Variants in CFAP61 observed in about 807,000 individuals in gnomAD.
CFAP61 encodes the protein cilia and flagella associated protein 61, also known as cilia- and flagella-associated protein 61.
In CFAP61, 107 loss-of-function variants were observed where a neutral mutation model predicts 135.6. That is an observed-to-expected ratio of 0.79 (90% CI 0.67 to 0.93). The LOEUF (loss-of-function observed/expected upper bound fraction) is 0.93. Among genes scored for constraint, CFAP61 ranks in the 40% least tolerant of loss-of-function variants. The pLI, the probability that CFAP61 is intolerant of heterozygous loss-of-function variation, is 0.00. For missense variants in CFAP61, 1,507 were observed against 1,556.2 expected (o/e 0.97, Z 0.53); for synonymous variants, 575 against 578.5 (o/e 0.99, Z 0.09).
chr20:20,275,322 G>A (rs1446581985), intron 21 of CFAP61, among the ~76,000 whole-genome samples: 1 of 152,176 alleles, frequency 6.6e-6, no homozygotes, highest in Non-Finnish European at 1.5e-5. Context: ...TTGCTATGCA[G>A]CATTATTATG....
Position 20,285,007 on chromosome 20 carries a change from A to G in CFAP61, c.2797-3602A>G, listed in dbSNP as rs542242296. On this transcript the variant is annotated intron_variant, in intron 22 of 26. Transcript: ENST00000245957. ...AAAAGTAATTCTTTAGTTTTGCTCCATCTGAAAATATATGTTGCTTTCATT... is the reference window on the plus strand; with the variant it reads ...AAAAGTAATTCTTTAGTTTTGCTCCGTCTGAAAATATATGTTGCTTTCATT... Among the ~76,000 whole-genome samples the G allele has an allele frequency of 3.3e-5, 5 of 152,354 alleles. No homozygotes were observed. The South Asian group carries it at 6.2e-4, about 19-fold the overall frequency.
At chr20:20,320,811 G>A (rs1275433226) in intron 25 of CFAP61, among the ~76,000 whole-genome samples, 1 of 151,458 alleles carries the variant, frequency 6.6e-6, no homozygotes, top group African/African-American at 2.4e-5. Flanking sequence ...GAGTAAGGAA[G>A]GGGCTGTGGC....
intron 25 of CFAP61, among the ~76,000 whole-genome samples, chr20:20,310,380 G>A (rs77005077): frequency 0.027 from 4,124 of 152,186 alleles, 187 homozygotes; most frequent in African/African-American, 0.095. Context: ...AGCATTTAAC[G>A]GATTGTTCAA....
intron 2 of CFAP61, among the ~76,000 whole-genome samples, chr20:20,057,120 T>TTA (rs1434990954): frequency 3.9e-5 from 4 of 102,122 alleles, no homozygotes; most frequent in African/African-American, 1.5e-4. Context: ...CTGTCTCAAT[T>TTA]AAAAAAAAAA....
chr20:20,180,735 G>A (rs1601222196), intron 13 of CFAP61, among the ~76,000 whole-genome samples: 6 of 152,108 alleles, frequency 3.9e-5, no homozygotes, highest in Admixed American at 2.0e-4. Context: ...ATTCACAATA[G>A]CAAAGACATG....
At chr20:20,311,603 T>C (rs946471924) in intron 25 of CFAP61, among the ~76,000 whole-genome samples, 2 of 151,566 alleles carry the variant, frequency 1.3e-5, no homozygotes, top group Non-Finnish European at 2.9e-5. Flanking sequence ...CAGGTGGAGT[T>C]GTCAGGACAG....
intron 9 of CFAP61, among the ~76,000 whole-genome samples, chr20:20,152,482 C>G (rs1327919311): frequency 1.3e-5 from 2 of 152,236 alleles, no homozygotes. Flanking sequence ...AGAGACTCAC[C>G]TAATGCATAA....
Position 20,359,896 on chromosome 20 carries a change from G to GGGTAC in CFAP61, c.3514-311_3514-307dup, listed in dbSNP as rs1454229903. On this transcript the variant is annotated intron_variant, in intron 26 of 26. Transcript: ENST00000245957. This position sits in a 1 kb window ranked among gnomAD's most constrained non-coding sequence, Gnocchi z 4.0. Reference sequence around the variant, plus strand: ...GGTTTCCAGGGCCTGGAGGATGGGAGGGTACGGAGCTGGTGTTTAATGGAG... The same window carrying GGGTAC: ...GGTTTCCAGGGCCTGGAGGATGGGAGGGTACGGTACGGAGCTGGTGTTTAATGGAG... 6.6e-6 allele frequency among the ~76,000 whole-genome samples: 1 copy of GGGTAC among 152,210 alleles called. No homozygotes were observed. Among genetic ancestry groups the GGGTAC allele is most frequent in the Non-Finnish European group, 1.5e-5 (1 of 68,044 alleles).
At chr20:20,153,324 A>G (rs1027386039) in intron 9 of CFAP61, among the ~76,000 whole-genome samples, 2 of 152,294 alleles carry the variant, frequency 1.3e-5, no homozygotes, top group Middle Eastern at 3.4e-3. Context: ...TAGAGAAACA[A>G]GAACAAATCA....
intron 22 of CFAP61, among the ~76,000 whole-genome samples, chr20:20,284,029 A>G (rs141942104): frequency 6.7e-4 from 102 of 152,326 alleles, no homozygotes; most frequent in African/African-American, 2.3e-3. Flanking sequence ...GAACCACCTT[A>G]GACTTCTGCC....
At chr20:20,243,422 A>C (rs139470541) in intron 18 of CFAP61, among the ~76,000 whole-genome samples, 3,053 of 149,240 alleles carry the variant, frequency 0.02, 100 homozygotes, top group African/African-American at 0.071. Context: ...CCTTCTCAAC[A>C]GTCCCCCAAG....
chr20:20,056,843 T>G, intron 2 of CFAP61, 47 bp downstream of exon 2: 1 of 1,576,980 alleles, frequency 6.3e-7, no homozygotes, highest in Admixed American at 1.7e-5. Context: ...TTTGGTTGGG[T>G]GCAGTAGCTC....
At chr20:20,114,121 T>C (rs1177802756) in intron 8 of CFAP61, among the ~76,000 whole-genome samples, 1 of 151,878 alleles carries the variant, frequency 6.6e-6, no homozygotes, top group Non-Finnish European at 1.5e-5. Flanking sequence ...GTGCAAAAAA[T>C]TAGCCAGGCA....
chr20:20,275,404 GA>G (rs1374149561), intron 21 of CFAP61, among the ~76,000 whole-genome samples: 1 of 152,232 alleles, frequency 6.6e-6, no homozygotes, highest in Non-Finnish European at 1.5e-5. Flanking sequence ...AAACTGTTTA[GA>G]AGTCACATTA....
intron 7 of CFAP61, among the ~76,000 whole-genome samples, chr20:20,093,636 T>C (rs1181958786): frequency 6.6e-6 from 1 of 152,016 alleles, no homozygotes; most frequent in Non-Finnish European, 1.5e-5. Flanking sequence ...GGTTTTGCCA[T>C]GTTGACCAGG....
At chr20:20,121,962 T>C (rs954594245) in intron 8 of CFAP61, among the ~76,000 whole-genome samples, 2 of 152,110 alleles carry the variant, frequency 1.3e-5, no homozygotes, top group African/African-American at 4.8e-5. Context: ...TTTAAAAATT[T>C]TTCCGTAAGT....
intron 8 of CFAP61, among the ~76,000 whole-genome samples, chr20:20,132,209 T>A (rs1220882323): frequency 6.6e-6 from 1 of 152,146 alleles, no homozygotes; most frequent in Admixed American, 6.5e-5. Flanking sequence ...TCACATAACA[T>A]AGTGTCTTCA....
At chr20:20,289,143 G>A (rs2054814505) in intron 23 of CFAP61, among the ~76,000 whole-genome samples, 1 of 152,134 alleles carries the variant, frequency 6.6e-6, no homozygotes. Flanking sequence ...CTTTGCATTT[G>A]AGCATTTACT....
At chr20:20,143,904 T>C (rs1348321354) in intron 9 of CFAP61, among the ~76,000 whole-genome samples, 1 of 152,144 alleles carries the variant, frequency 6.6e-6, no homozygotes, top group Admixed American at 6.5e-5. Flanking sequence ...AAAGAACCTC[T>C]GAAAAGGATG....
Sources: gnomAD v4.1 joint callset for allele counts (sites outside exome capture counted in the v4.1 genomes callset) on GRCh38, gnomAD v4.1.1 for gene constraint, Gnocchi (gnomAD v3.1) non-coding constraint, MANE v1.5 for transcripts, NCBI Gene and HGNC (gene_info 2026-07-23, HGNC 2026-07-21) for gene names.